CHRM5: variants seen among roughly 807,000 people sequenced by gnomAD.
CHRM5 encodes the protein muscarinic acetylcholine receptor M5.
Under a neutral mutation model 39.0 loss-of-function variants are expected in CHRM5, and 18 were observed. That is an observed-to-expected ratio of 0.46 (90% confidence interval 0.32 to 0.68). The LOEUF (loss-of-function observed/expected upper bound fraction) is 0.68. Among genes scored for constraint, CHRM5 ranks in the 30% least tolerant of loss-of-function variants. The pLI is 0.04. For synonymous variants in CHRM5, 241 were observed against 246.3 expected (o/e 0.98, Z 0.20); for missense variants, 515 against 651.1 (o/e 0.79, Z 2.28).
At chr15:33,970,900 A>G (rs1435776891) in intron 1 of CHRM5, among the ~76,000 whole-genome samples, 1 of 151,918 alleles carries the variant, frequency 6.6e-6, no homozygotes, top group Non-Finnish European at 1.5e-5. Flanking sequence ...CTCCACCCCA[A>G]TTTGGTCCTT....
At chr15:34,055,221 AGGCCC>A (rs1420096953) in intron 2 of CHRM5, among the ~76,000 whole-genome samples, 2 of 147,086 alleles carry the variant, frequency 1.4e-5, no homozygotes, top group Non-Finnish European at 3.0e-5. Flanking sequence ...AAACAAGGCC[AGGCCC>A]GGTAGCTCGC....
intron 1 of CHRM5, among the ~76,000 whole-genome samples, chr15:33,978,612 A>G (rs959904724): frequency 3.9e-5 from 6 of 152,048 alleles, no homozygotes; most frequent in Non-Finnish European, 1.5e-5. Context: ...GCAATTAGCC[A>G]AGATTACGCC....
In CHRM5 at chr15:34,008,743, C is replaced by T. The variant is rs531763222; in HGVS notation, c.-407-37797C>T. On this transcript the variant is annotated intron_variant, in intron 1 of 2. Coordinates refer to ENST00000383263, the MANE Select transcript of CHRM5 (RefSeq NM_012125.4). Reference sequence around the variant, plus strand: ...GACCTCGTGATCTGCCCGCTTCAGCCTCCCAAAGTGATGGGATTACAGGCG... The same window carrying T: ...GACCTCGTGATCTGCCCGCTTCAGCTTCCCAAAGTGATGGGATTACAGGCG... Among the ~76,000 whole-genome samples, 5 of 152,106 alleles carry T rather than the reference C, an allele frequency of 3.3e-5. No homozygotes were observed. The South Asian group carries it at 1.0e-3, about 32-fold the overall frequency.
At chr15:34,037,306 A>G (rs1899189550) in intron 1 of CHRM5, among the ~76,000 whole-genome samples, 1 of 152,008 alleles carries the variant, frequency 6.6e-6, no homozygotes, top group Non-Finnish European at 1.5e-5. Context: ...CAGCTAAGGA[A>G]TATCTACTTT....
At chr15:34,005,451 T>A (rs1897302589) in intron 1 of CHRM5, among the ~76,000 whole-genome samples, 1 of 152,192 alleles carries the variant, frequency 6.6e-6, no homozygotes, top group Non-Finnish European at 1.5e-5. Flanking sequence ...ATCTCCAATA[T>A]TATCTATAAA....
At chr15:34,055,693 C>T (rs1900115905) in intron 2 of CHRM5, among the ~76,000 whole-genome samples, 1 of 151,800 alleles carries the variant, frequency 6.6e-6, no homozygotes. Context: ...CCCAGCTACT[C>T]AGGAGGCTGA....
chr15:34,036,497 A>C (rs1028854117), intron 1 of CHRM5, among the ~76,000 whole-genome samples: 1 of 152,134 alleles, frequency 6.6e-6, no homozygotes, highest in Non-Finnish European at 1.5e-5. Flanking sequence ...ATGGGATATG[A>C]GAACAAGAAG....
intron 1 of CHRM5, among the ~76,000 whole-genome samples, chr15:33,985,901 G>A (rs932089848): frequency 6.6e-6 from 1 of 152,132 alleles, no homozygotes; most frequent in Non-Finnish European, 1.5e-5. Context: ...CTCTAATACT[G>A]AAAGGTTCAT....
intron 1 of CHRM5, among the ~76,000 whole-genome samples, chr15:34,033,834 G>A (rs1166299226): frequency 5.3e-5 from 8 of 152,204 alleles, no homozygotes; most frequent in Middle Eastern, 3.4e-3. Flanking sequence ...TGTCTCCAGG[G>A]TAAAGAGCAG....
intron 1 of CHRM5, chr15:34,003,164 CAT>C (rs1491464851): frequency 4.3e-6 from 7 of 1,613,760 alleles, no homozygotes; most frequent in Non-Finnish European, 5.9e-6. Context: ...TTTCCCTGTT[CAT>C]CATTCTCTTC....
Position 34,064,027 on chromosome 15 carries a change from A to G in CHRM5, c.1310A>G (p.Glu437Gly). ...TKRKRVVLVK[E>G]RKAAQTLSAI... ...CGAAAGAGAGTGGTCCTAGTCAAAGAGAGGAAAGCAGCCCAGACACTGAGT... is the reference window on the plus strand; with the variant it reads ...CGAAAGAGAGTGGTCCTAGTCAAAGGGAGGAAAGCAGCCCAGACACTGAGT... Residue 437 changes from glutamate to glycine, a missense_variant, in exon 3 of 3, where the codon GAG becomes GGG. By Grantham distance (98) the Glu-to-Gly change is moderately conservative (BLOSUM62 -2). Coordinates refer to ENST00000383263, the MANE Select transcript of CHRM5 (RefSeq NM_012125.4). The G allele has an allele frequency of 6.2e-7, 1 of 1,614,186 alleles. No homozygotes were observed. The highest frequency in any genetic ancestry group is 8.5e-7 in the Non-Finnish European group (1 of 1,180,032).
At chr15:33,984,783 C>A (rs1043907319) in intron 1 of CHRM5, among the ~76,000 whole-genome samples, 3 of 152,100 alleles carry the variant, frequency 2.0e-5, no homozygotes, top group African/African-American at 7.2e-5. Flanking sequence ...AAAAATGAGA[C>A]AAACGTTAGT....
intron 1 of CHRM5, among the ~76,000 whole-genome samples, chr15:34,043,392 A>C (rs1022369587): frequency 6.6e-6 from 1 of 152,192 alleles, no homozygotes; most frequent in Non-Finnish European, 1.5e-5. Context: ...TCTTCTCTTC[A>C]TAGGCAAGCA....
chr15:33,974,391 A>G (rs904761352), intron 1 of CHRM5, among the ~76,000 whole-genome samples: 9 of 152,178 alleles, frequency 5.9e-5, no homozygotes, highest in African/African-American at 1.2e-4. Context: ...TACCTATGTT[A>G]TATCTCCCCA....
chr15:33,994,714 C>A (rs891541829), intron 1 of CHRM5, among the ~76,000 whole-genome samples: 1 of 152,136 alleles, frequency 6.6e-6, no homozygotes. Flanking sequence ...AATTACAAGT[C>A]TTCAAAAATT....
chr15:34,038,565 C>G (rs1161681163), intron 1 of CHRM5, among the ~76,000 whole-genome samples: 2 of 151,772 alleles, frequency 1.3e-5, no homozygotes, highest in African/African-American at 2.4e-5. Context: ...CGCGCCAGCC[C>G]GGCCAGGAGG....
chr15:33,984,303 A>G (rs1399858297), intron 1 of CHRM5, among the ~76,000 whole-genome samples: 1 of 152,194 alleles, frequency 6.6e-6, no homozygotes, highest in Non-Finnish European at 1.5e-5. Context: ...AGTTTACAAA[A>G]TAAGTAATTG....
intron 2 of CHRM5, among the ~76,000 whole-genome samples, chr15:34,060,611 T>G (rs1900301132): frequency 1.3e-5 from 2 of 152,118 alleles, no homozygotes; most frequent in Non-Finnish European, 2.9e-5. Flanking sequence ...CACGGTGGCT[T>G]TCGCCTGTAA....
At chr15:33,989,081 T>G (rs73387904) in intron 1 of CHRM5, among the ~76,000 whole-genome samples, 2,244 of 152,270 alleles carry the variant, frequency 0.015, 70 homozygotes, top group African/African-American at 0.053. Flanking sequence ...TTTTTAATCA[T>G]CTTTCAAGTT....
Sources: gnomAD v4.1 joint callset for allele counts (sites outside exome capture counted in the v4.1 genomes callset) on GRCh38, gnomAD v4.1.1 for gene constraint, MANE v1.5 for transcripts, NCBI Gene and HGNC (gene_info 2026-07-23, HGNC 2026-07-21) for gene names.